LRRC4C: variants seen among roughly 807,000 people sequenced by gnomAD.
The protein encoded by LRRC4C is leucine-rich repeat-containing protein 4C.
In LRRC4C, 5 loss-of-function variants were observed where a neutral mutation model predicts 33.6. The ratio of observed to expected loss-of-function variants is 0.15; its 90% CI spans 0.08 to 0.31. The LOEUF (loss-of-function observed/expected upper bound fraction) is 0.31, where lower values mean the gene tolerates loss of function less well. Among genes scored for constraint, LRRC4C ranks in the 10% least tolerant of loss-of-function variants. LRRC4C has a pLI of 1.00. For missense variants in LRRC4C, 560 were observed against 796.7 expected, an observed-to-expected ratio of 0.70 and a Z score of 3.58; for synonymous variants, 329 against 302.0, an observed-to-expected ratio of 1.09 and a Z score of -0.93.
chr11:40,129,530 AGTT>A (rs1317319977), intron 6 of LRRC4C, among the ~76,000 whole-genome samples: 1 of 152,174 alleles, frequency 6.6e-6, no homozygotes, highest in African/African-American at 2.4e-5. Flanking sequence ...GAGGATGCCT[AGTT>A]GTTTTCATGA....
At chr11:40,304,776 G>A (rs1944946023) in intron 4 of LRRC4C, among the ~76,000 whole-genome samples, 1 of 150,304 alleles carries the variant, frequency 6.7e-6, no homozygotes, top group South Asian at 2.1e-4. Context: ...CTGTCGCCCA[G>A]GCTGGAGTGC....
chr11:40,184,605 C>G (rs529169424), intron 5 of LRRC4C, among the ~76,000 whole-genome samples: 38 of 152,234 alleles, frequency 2.5e-4, no homozygotes, highest in African/African-American at 8.2e-4. Flanking sequence ...TAACAGTACT[C>G]CGAGTGGCGA....
chr11:40,874,859 G>A (rs1007126006), intron 2 of LRRC4C, among the ~76,000 whole-genome samples: 4 of 152,234 alleles, frequency 2.6e-5, no homozygotes, highest in South Asian at 2.1e-4. Flanking sequence ...GGAAGACACC[G>A]CTGTTTTTCC....
chr11:40,777,984 G>A (rs558699893), intron 2 of LRRC4C, among the ~76,000 whole-genome samples: 11 of 152,152 alleles, frequency 7.2e-5, no homozygotes, highest in East Asian at 1.9e-4. Flanking sequence ...CACCGCTCCC[G>A]GCCAGATCTT....
At chr11:40,475,497 G>A (rs4755549) in intron 3 of LRRC4C, among the ~76,000 whole-genome samples, 54,508 of 151,796 alleles carry the variant, frequency 0.36, 10,202 homozygotes, top group East Asian at 0.57. Flanking sequence ...AATACCTGAT[G>A]TAGATGCTGG....
At chr11:40,278,563 T>C (rs1943268087) in intron 4 of LRRC4C, among the ~76,000 whole-genome samples, 1 of 152,204 alleles carries the variant, frequency 6.6e-6, no homozygotes, top group South Asian at 2.1e-4. Flanking sequence ...ATGAGAGGAA[T>C]AATGCAAAAA....
Position 40,116,140 on chromosome 11 carries a change from G to A in LRRC4C, c.153C>T (p.Cys51=), listed in dbSNP as rs556873287. ...LVRAQTCPSV[C]SCSNQFSKVI... The stretch of plus-strand genomic sequence containing the variant: ...CCTTGCTGAACTGGTTGCTGCAGGA[G>A]CACACAGAAGGGCAGGTCTGAGCCC... The change falls in exon 7 of 7, where the codon TGC becomes TGT. Residue 51 remains cysteine, a synonymous_variant. Coordinates refer to ENST00000528697, the MANE Select transcript of LRRC4C (RefSeq NM_001258419.2). 1.2e-6 allele frequency: 2 copies of A among 1,613,954 alleles called. No individual in the cohort carries two copies. The highest frequency in any genetic ancestry group is 2.2e-5 in the South Asian group (2 of 91,080).
chr11:41,050,200 C>A (rs940825621), intron 1 of LRRC4C, among the ~76,000 whole-genome samples: 2 of 152,076 alleles, frequency 1.3e-5, no homozygotes, highest in African/African-American at 4.8e-5. Context: ...AGTTCTGTGG[C>A]CATGAAAAAT....
intron 2 of LRRC4C, among the ~76,000 whole-genome samples, chr11:40,803,769 G>A (rs1002788515): frequency 1.7e-4 from 26 of 152,046 alleles, no homozygotes; most frequent in African/African-American, 5.1e-4. Flanking sequence ...CACCACGCCC[G>A]GCCTAATTTT....
intron 3 of LRRC4C, among the ~76,000 whole-genome samples, chr11:40,607,542 T>G (rs934119264): frequency 6.6e-6 from 1 of 152,054 alleles, no homozygotes; most frequent in African/African-American, 2.4e-5. Context: ...GAAATTTGGT[T>G]GAGGGCCATC....
chr11:41,056,105 A>C (rs1251472417), intron 1 of LRRC4C, among the ~76,000 whole-genome samples: 2 of 152,098 alleles, frequency 1.3e-5, no homozygotes, highest in East Asian at 3.9e-4. Context: ...AGAAATATCA[A>C]TCACTCCCAC....
At chr11:40,175,516 C>T (rs1027049456) in intron 5 of LRRC4C, among the ~76,000 whole-genome samples, 7 of 152,186 alleles carry the variant, frequency 4.6e-5, no homozygotes, top group African/African-American at 1.7e-4. Flanking sequence ...TCAAAGAATG[C>T]TGGAGACTGT....
intron 3 of LRRC4C, among the ~76,000 whole-genome samples, chr11:40,613,523 T>G (rs1249062143): frequency 6.6e-6 from 1 of 151,840 alleles, no homozygotes; most frequent in African/African-American, 2.4e-5. Flanking sequence ...TTACTTATTC[T>G]ACTGAAGTCT....
At chr11:40,634,310 C>T (rs1043239236) in intron 3 of LRRC4C, among the ~76,000 whole-genome samples, 5 of 152,150 alleles carry the variant, frequency 3.3e-5, no homozygotes, top group African/African-American at 1.2e-4. Context: ...GTTAAAGATA[C>T]TGTAACCTCA....
intron 2 of LRRC4C, among the ~76,000 whole-genome samples, chr11:40,885,217 AAATT>A (rs1210411625): frequency 6.6e-6 from 1 of 152,140 alleles, no homozygotes; most frequent in African/African-American, 2.4e-5. Context: ...AGTAGTGAAT[AAATT>A]AATTGTTAAA....
intron 3 of LRRC4C, among the ~76,000 whole-genome samples, chr11:40,440,158 G>A (rs1951328185): frequency 1.3e-5 from 2 of 152,158 alleles, no homozygotes; most frequent in Admixed American, 1.3e-4. Flanking sequence ...GAGCTTGTCT[G>A]TTATTTTCTC....
intron 2 of LRRC4C, among the ~76,000 whole-genome samples, chr11:40,670,832 C>T (rs1944057816): frequency 6.6e-6 from 1 of 152,154 alleles, no homozygotes; most frequent in East Asian, 1.9e-4. Context: ...GACGCATCCT[C>T]GGCTCACTGC....
intron 2 of LRRC4C, among the ~76,000 whole-genome samples, chr11:40,765,886 T>G (rs1204288469): frequency 6.7e-6 from 1 of 150,324 alleles, no homozygotes; most frequent in Non-Finnish European, 1.5e-5. Context: ...AAGGAGGAGG[T>G]GGAGAGATGG....
At chr11:41,145,212 CT>C (rs1943676055) in intron 1 of LRRC4C, among the ~76,000 whole-genome samples, 1 of 152,128 alleles carries the variant, frequency 6.6e-6, no homozygotes, top group South Asian at 2.1e-4. Context: ...AACTTATACA[CT>C]TTTGTCAATT....
Sources: gnomAD v4.1 joint callset for allele counts (sites outside exome capture counted in the v4.1 genomes callset) on GRCh38, gnomAD v4.1.1 for gene constraint, MANE v1.5 for transcripts, NCBI Gene and HGNC (gene_info 2026-07-23, HGNC 2026-07-21) for gene names.